Variants in PPARGC1A observed in about 807,000 individuals in gnomAD.
PPARGC1A encodes peroxisome proliferator-activated receptor gamma coactivator 1-alpha.
In PPARGC1A, 25 loss-of-function variants were observed where a neutral mutation model predicts 88.7. That is an observed-to-expected ratio of 0.28 (90% CI 0.21 to 0.39). The LOEUF (loss-of-function observed/expected upper bound fraction) is 0.39. Among genes scored for constraint, PPARGC1A ranks in the 10% least tolerant of loss-of-function variants. PPARGC1A has a pLI of 1.00. For synonymous variants in PPARGC1A, 363 were observed against 355.6 expected (o/e 1.02, Z -0.24); for missense variants, 880 against 968.7 (o/e 0.91, Z 1.22).
chr4:24,281,244 G>A, the PPARGC1A span, among the ~76,000 whole-genome samples: 2 of 152,174 alleles, frequency 1.3e-5, no homozygotes, highest in East Asian at 3.8e-4. Context: ...TGCTATGTAG[G>A]AATACCTGAG....
At chr4:24,441,561 G>A in the PPARGC1A span, among the ~76,000 whole-genome samples, 7 of 152,126 alleles carry the variant, frequency 4.6e-5, no homozygotes, top group African/African-American at 1.2e-4. Flanking sequence ...ATAGGAGGAG[G>A]GACAGCCACC....
chr4:23,966,073 G>A, the PPARGC1A span, among the ~76,000 whole-genome samples: 2 of 152,070 alleles, frequency 1.3e-5, no homozygotes, highest in Non-Finnish European at 2.9e-5. Context: ...CCTGTTAAAC[G>A]CACCGCACTG....
the PPARGC1A span, among the ~76,000 whole-genome samples, chr4:24,171,130 G>A: frequency 3.9e-5 from 6 of 152,132 alleles, no homozygotes; most frequent in South Asian, 2.1e-4. Flanking sequence ...TAAGTGTCCC[G>A]GCCAGGCGCG....
chr4:24,216,227 A>G, the PPARGC1A span, among the ~76,000 whole-genome samples: 4 of 143,480 alleles, frequency 2.8e-5, no homozygotes, highest in African/African-American at 1.0e-4. Context: ...ACCTCACTGC[A>G]ACCTTCACCT....
the PPARGC1A span, among the ~76,000 whole-genome samples, chr4:24,446,670 G>A: frequency 1.2e-4 from 18 of 148,674 alleles, no homozygotes; most frequent in Non-Finnish European, 1.5e-4. Flanking sequence ...GATCTTGGCT[G>A]ACTGCAACCT....
chr4:24,278,419 C>A, the PPARGC1A span, among the ~76,000 whole-genome samples: 1 of 152,154 alleles, frequency 6.6e-6, no homozygotes, highest in African/African-American at 2.4e-5. Context: ...ATTTATTCAA[C>A]TAACATTTAT....
chr4:24,175,441 C>G, the PPARGC1A span, among the ~76,000 whole-genome samples: 3 of 138,132 alleles, frequency 2.2e-5, no homozygotes, highest in Admixed American at 7.6e-5. Context: ...GTGGCGCAAT[C>G]TCAGCTCACT....
At chr4:23,990,370 G>T in the PPARGC1A span, among the ~76,000 whole-genome samples, 11 of 151,652 alleles carry the variant, frequency 7.3e-5, no homozygotes, top group South Asian at 2.1e-4. Flanking sequence ...ATGTATTAGT[G>T]CAGCAATTAC....
At chr4:24,462,743 C>G in the PPARGC1A span, among the ~76,000 whole-genome samples, 1 of 150,430 alleles carries the variant, frequency 6.6e-6, no homozygotes, top group Admixed American at 6.7e-5. Context: ...TGCTGAGAAT[C>G]TAGTATGGAC....
chr4:24,449,849 T>C, the PPARGC1A span, among the ~76,000 whole-genome samples: 1 of 152,194 alleles, frequency 6.6e-6, no homozygotes, highest in Non-Finnish European at 1.5e-5. Context: ...TGGATTGTAT[T>C]TTCTGAAGAA....
At chr4:24,457,474 G>A in the PPARGC1A span, among the ~76,000 whole-genome samples, 2 of 152,152 alleles carry the variant, frequency 1.3e-5, no homozygotes, top group African/African-American at 2.4e-5. Flanking sequence ...ATAGGATATA[G>A]TCAACATTCC....
the PPARGC1A span, among the ~76,000 whole-genome samples, chr4:23,914,218 A>G: frequency 9.9e-3 from 1,502 of 152,294 alleles, 27 homozygotes; most frequent in African/African-American, 0.035. Flanking sequence ...TGTTTCAGGC[A>G]TTGTTGTAAG....
the PPARGC1A span, among the ~76,000 whole-genome samples, chr4:24,388,471 T>A: frequency 3.9e-5 from 6 of 152,194 alleles, no homozygotes; most frequent in Non-Finnish European, 8.8e-5. Context: ...CATTACTGGG[T>A]ATATACCCAA....
At chr4:24,281,479 A>T in the PPARGC1A span, among the ~76,000 whole-genome samples, 1 of 152,078 alleles carries the variant, frequency 6.6e-6, no homozygotes, top group South Asian at 2.1e-4. Context: ...TCTCATGGGA[A>T]CCAATACAGC....
chr4:24,462,144 G>A, the PPARGC1A span, among the ~76,000 whole-genome samples: 8 of 152,202 alleles, frequency 5.3e-5, no homozygotes, highest in African/African-American at 1.9e-4. Flanking sequence ...GGAGTGCAGT[G>A]GCGGGATCTC....
the PPARGC1A span, among the ~76,000 whole-genome samples, chr4:24,068,674 T>C: frequency 3.3e-5 from 5 of 152,108 alleles, no homozygotes; most frequent in African/African-American, 7.2e-5. Context: ...CTGGCCTAAA[T>C]TGAAATAGAA....
chr4:24,268,936 T>C, the PPARGC1A span, among the ~76,000 whole-genome samples: 45 of 152,326 alleles, frequency 3.0e-4, no homozygotes, highest in East Asian at 6.6e-3. Context: ...AGAATACACA[T>C]AGTCAGCCCC....
chr4:24,095,522 G>C, the PPARGC1A span, among the ~76,000 whole-genome samples: 1 of 152,054 alleles, frequency 6.6e-6, no homozygotes, highest in African/African-American at 2.4e-5. Flanking sequence ...GGGGAAAATT[G>C]GGTCACAGAG....
At chr4:24,335,664 G>T in the PPARGC1A span, among the ~76,000 whole-genome samples, 4 of 152,072 alleles carry the variant, frequency 2.6e-5, no homozygotes, top group African/African-American at 9.7e-5. Flanking sequence ...AAGCGCGAGG[G>T]TACGTTACAG....
Sources: gnomAD v4.1 joint callset for allele counts (sites outside exome capture counted in the v4.1 genomes callset) on GRCh38, gnomAD v4.1.1 for gene constraint, MANE v1.5 for transcripts, NCBI Gene and HGNC (gene_info 2026-07-23, HGNC 2026-07-21) for gene names.